The following INPP4B variants were observed in gnomAD, a reference collection of about 807,000 sequenced individuals.
INPP4B encodes inositol polyphosphate-4-phosphatase type II B, also known as inositol polyphosphate 4-phosphatase type II.
Under a neutral mutation model 122.5 loss-of-function variants are expected in INPP4B, and 55 were observed. The observed-to-expected ratio is 0.45, with a 90% confidence interval of 0.36 to 0.56. The LOEUF is 0.56. Among genes scored for constraint, INPP4B ranks in the 20% least tolerant of loss-of-function variants. The pLI is 0.00. For missense variants in INPP4B, 1,000 were observed against 1,097.7 expected, an observed-to-expected ratio of 0.91 and a Z score of 1.26; for synonymous variants, 403 against 388.7, an observed-to-expected ratio of 1.04 and a Z score of -0.43.
chr4:142,173,658 T>C lies in INPP4B; in HGVS notation c.1333A>G (p.Asn445Asp), dbSNP rs778341617. The C allele has an allele frequency of 6.2e-7, 1 of 1,612,170 alleles. No homozygotes were observed. Among genetic ancestry groups the C allele is most frequent in the South Asian group, 1.1e-5 (1 of 90,816 alleles). ...ASQHSPDSLK[N>D]SLKMLSEKTE... ...TTTTCTGAAAGCATCTTTAAAGAAT[T>C]CTTCAAGCTGTCTGGAGAATGCTGG... Residue 445 changes from asparagine (N) to aspartate (D), a missense_variant, in exon 16 of 26, where the codon AAT (asparagine) becomes GAT (aspartate). By Grantham distance (23) the Asn-to-Asp change is conservative (BLOSUM62 1). Transcript: ENST00000262992.
At chr4:142,440,378 G>A (rs182750438) in intron 3 of INPP4B, among the ~76,000 whole-genome samples, 4 of 152,306 alleles carry the variant, frequency 2.6e-5, no homozygotes, top group South Asian at 2.1e-4. Flanking sequence ...AGTGAACTAC[G>A]TGAAGGGGAG....
chr4:142,800,606 G>T (rs773046429), intron 1 of INPP4B, among the ~76,000 whole-genome samples: 2 of 152,100 alleles, frequency 1.3e-5, no homozygotes, highest in Non-Finnish European at 2.9e-5. Flanking sequence ...AATTTGCTTG[G>T]ATCTCTTAGT....
chr4:142,620,854 T>C (rs938272662), intron 2 of INPP4B, among the ~76,000 whole-genome samples: 1 of 151,954 alleles, frequency 6.6e-6, no homozygotes, highest in Non-Finnish European at 1.5e-5. Flanking sequence ...TTTCAAAGAC[T>C]CACTTAAAAC....
chr4:142,300,017 T>C (rs1007230631), intron 9 of INPP4B, among the ~76,000 whole-genome samples: 2 of 152,166 alleles, frequency 1.3e-5, no homozygotes, highest in African/African-American at 2.4e-5. Context: ...ATCAACTTTA[T>C]TTGTGTGCAA....
chr4:142,517,194 T>C (rs188237189), intron 2 of INPP4B, among the ~76,000 whole-genome samples: 1 of 152,228 alleles, frequency 6.6e-6, no homozygotes, highest in African/African-American at 2.4e-5. Flanking sequence ...CAAGCATATG[T>C]GAAAATTATT....
chr4:142,079,087 A>G (rs1055702533), intron 25 of INPP4B, among the ~76,000 whole-genome samples: 3 of 151,990 alleles, frequency 2.0e-5, no homozygotes, highest in Non-Finnish European at 2.9e-5. Context: ...TTAGTATAGG[A>G]CATGTTGTTT....
At chr4:142,046,143 T>C (rs955958718) in intron 25 of INPP4B, among the ~76,000 whole-genome samples, 1 of 152,052 alleles carries the variant, frequency 6.6e-6, no homozygotes, top group African/African-American at 2.4e-5. Context: ...CCCCTACCTT[T>C]CCAGATCTGG....
At chr4:142,425,698 C>T (rs532951262) in intron 5 of INPP4B, among the ~76,000 whole-genome samples, 1 of 151,882 alleles carries the variant, frequency 6.6e-6, no homozygotes, top group Non-Finnish European at 1.5e-5. Flanking sequence ...TCTCTTTCGC[C>T]CAAGTCAAGT....
chr4:142,647,511 C>CCA (rs1178183493), intron 2 of INPP4B, among the ~76,000 whole-genome samples: 1 of 152,150 alleles, frequency 6.6e-6, no homozygotes. Flanking sequence ...TGCTCACCCA[C>CCA]CACAATGGTG....
chr4:142,642,054 A>T (rs1750608589), intron 2 of INPP4B, among the ~76,000 whole-genome samples: 1 of 152,128 alleles, frequency 6.6e-6, no homozygotes, highest in Non-Finnish European at 1.5e-5. Flanking sequence ...TGTTGGCTGC[A>T]TTGATGTCTT....
chr4:142,831,459 G>A (rs1782129896), intron 1 of INPP4B, among the ~76,000 whole-genome samples: 2 of 152,278 alleles, frequency 1.3e-5, no homozygotes, highest in African/African-American at 4.8e-5. Context: ...GTCTGCTTTT[G>A]CATATTAAAA....
chr4:142,416,107 A>T (rs1805707479), intron 5 of INPP4B, among the ~76,000 whole-genome samples: 1 of 152,172 alleles, frequency 6.6e-6, no homozygotes, highest in Non-Finnish European at 1.5e-5. Flanking sequence ...TACATATGTA[A>T]CTAACCTGCA....
chr4:142,512,101 T>C (rs1031583721), intron 2 of INPP4B, among the ~76,000 whole-genome samples: 1 of 152,154 alleles, frequency 6.6e-6, no homozygotes, highest in Non-Finnish European at 1.5e-5. Context: ...TGCTCAATCT[T>C]AGTTACTCAA....
chr4:142,281,500 G>A (rs1373944762), intron 9 of INPP4B, among the ~76,000 whole-genome samples: 1 of 151,932 alleles, frequency 6.6e-6, no homozygotes, highest in African/African-American at 2.4e-5. Context: ...TTAAATGCTA[G>A]TGATGTGACA....
chr4:142,749,611 G>A (rs953926514), intron 1 of INPP4B, among the ~76,000 whole-genome samples: 1 of 151,772 alleles, frequency 6.6e-6, no homozygotes, highest in Non-Finnish European at 1.5e-5. Flanking sequence ...ATATAACAGT[G>A]AATAATTCTA....
At chr4:142,323,667 A>G (rs188444492) in intron 7 of INPP4B, among the ~76,000 whole-genome samples, 4,871 of 151,576 alleles carry the variant, frequency 0.032, 146 homozygotes, top group African/African-American at 0.07. Context: ...GGATGGTCTC[A>G]ATCTCCTGAC....
chr4:142,163,222 T>C (rs913363160), intron 16 of INPP4B, among the ~76,000 whole-genome samples: 2 of 151,842 alleles, frequency 1.3e-5, no homozygotes, highest in Admixed American at 1.3e-4. Flanking sequence ...AAATAGAAAA[T>C]TCCAGAAATA....
intron 5 of INPP4B, among the ~76,000 whole-genome samples, chr4:142,408,345 G>A (rs1337341647): frequency 1.3e-5 from 2 of 151,250 alleles, no homozygotes; most frequent in Non-Finnish European, 2.9e-5. Flanking sequence ...CTGACATCAG[G>A]AATTCCAGAC....
chr4:142,317,399 G>A, intron 7 of INPP4B: 1 of 311,722 alleles, frequency 3.2e-6, no homozygotes, highest in Non-Finnish European at 6.5e-6. Context: ...ATATGATGTT[G>A]GGAGATGTAG....
Sources: allele counts gnomAD v4.1 joint callset (sites outside exome capture counted in the v4.1 genomes callset), GRCh38; gene constraint gnomAD v4.1.1; transcripts MANE v1.5; gene names NCBI Gene and HGNC (gene_info 2026-07-23, HGNC 2026-07-21).